Variants in PYROXD2 observed in about 807,000 individuals in gnomAD.
The protein encoded by PYROXD2 is pyridine nucleotide-disulfide oxidoreductase domain-containing protein 2.
In PYROXD2, 69 loss-of-function variants were observed where a neutral mutation model predicts 71.1. The observed-to-expected ratio is 0.97, with a 90% CI of 0.80 to 1.19. PYROXD2 has a LOEUF of 1.19. Among genes scored for constraint, PYROXD2 ranks in the 50% most tolerant of loss-of-function variants. The pLI, the probability that PYROXD2 is intolerant of heterozygous loss-of-function variation, is 0.00. For synonymous variants in PYROXD2, 287 were observed against 302.7 expected (o/e 0.95, Z 0.54); for missense variants, 745 against 748.9 (o/e 0.99, Z 0.06).
intron 10 of PYROXD2, among the ~76,000 whole-genome samples, chr10:98,392,065 T>A (rs1289708882): frequency 2.6e-5 from 4 of 152,174 alleles, no homozygotes; most frequent in African/African-American, 9.7e-5. Flanking sequence ...GTTAATTGAT[T>A]AATTAATAAT....
intron 5 of PYROXD2, among the ~76,000 whole-genome samples, chr10:98,397,707 G>A (rs1367013218): frequency 6.6e-6 from 1 of 152,096 alleles, no homozygotes; most frequent in African/African-American, 2.4e-5. Flanking sequence ...GGTGGTGGTG[G>A]TCAGGAGACC....
intron 2 of PYROXD2, among the ~76,000 whole-genome samples, chr10:98,409,394 G>C (rs1253008824): frequency 6.6e-6 from 1 of 152,116 alleles, no homozygotes; most frequent in Non-Finnish European, 1.5e-5. Context: ...TATTTTCGTA[G>C]GCCTTCCCTC....
chr10:98,388,575 G>A, intron 12 of PYROXD2, 67 bp from the exon 13 acceptor site: 1 of 1,429,136 alleles, frequency 7.0e-7, no homozygotes, highest in Non-Finnish European at 9.2e-7. Context: ...CATCCGAGAT[G>A]ACTTGGGACA....
At chr10:98,412,428 C>T (rs562454866) in intron 1 of PYROXD2, among the ~76,000 whole-genome samples, 8 of 152,260 alleles carry the variant, frequency 5.3e-5, no homozygotes, top group Middle Eastern at 6.8e-3. Context: ...CTGCTCTGGG[C>T]GTGGGCTCTG....
chr10:98,388,198 G>T, intron 13 of PYROXD2, 156 bp downstream of exon 13: 1 of 706,306 alleles, frequency 1.4e-6, no homozygotes, highest in Admixed American at 2.4e-5. Flanking sequence ...GACCCCTGCA[G>T]TCAACTATGT....
At chr10:98,397,877 CTTTTTTTTTTTTTTTT>C (rs60678578) in intron 5 of PYROXD2, among the ~76,000 whole-genome samples, 1 of 84,172 alleles carries the variant, frequency 1.2e-5, no homozygotes, top group East Asian at 3.6e-4. Context: ...GTCCTTTCTT[CTTTTTTTTTTTTTTTT>C]TTTTTTTGAG....
intron 8 of PYROXD2, among the ~76,000 whole-genome samples, chr10:98,394,584 T>G (rs1843087297): frequency 7.5e-6 from 1 of 134,180 alleles, no homozygotes; most frequent in Non-Finnish European, 1.5e-5. Flanking sequence ...ACACACAGCC[T>G]TCCATTCCTG....
In PYROXD2 at chr10:98,392,925, G is replaced by A. The variant is rs192159317; in HGVS notation, c.927+17C>T. ...GATCCTTACTAATAATTGGGGTGGG[G>A]TAGAGGGGCCGTTCACCTTTTCAGT... On this transcript the variant is annotated intron_variant, in intron 9 of 15. Coordinates refer to ENST00000370575, the MANE Select transcript of PYROXD2 (RefSeq NM_032709.3). The A allele has an allele frequency of 9.9e-5, 160 of 1,611,708 alleles. No homozygotes were observed. In the African/African-American group the frequency reaches 1.7e-3, roughly 17 times the overall value.
rs751517406 is a variant in PYROXD2 at position 98,401,253 on chromosome 10, C to CAA, written c.316-998_316-997dup. 1.0e-3 allele frequency among the ~76,000 whole-genome samples: 47 copies of CAA among 45,558 alleles called. 1 individual carries two copies. Among genetic ancestry groups the CAA allele is most frequent in the East Asian group, 0.01 (17 of 1,656 alleles). 29.9% of individuals were successfully genotyped at this position (45,558 alleles called of 152,430 possible). A position where few individuals can be genotyped will look rare whatever the true frequency, so the allele number is the denominator to read the frequency against. ...TGGGTGACAAAGCAAGACTCTGTCT[C>CAA]AAAAAAAAAAAAACAAAAAAAAACA... On this transcript the variant is annotated intron_variant, in intron 4 of 15. Coordinates refer to ENST00000370575, the MANE Select transcript of PYROXD2 (RefSeq NM_032709.3).
intron 2 of PYROXD2, 106 bp from the exon 3 acceptor site, chr10:98,408,103 G>C (rs942810): frequency 0.39 from 394,330 of 1,024,178 alleles, 84,147 homozygotes; most frequent in African/African-American, 0.77. Context: ...GCCAGTATGG[G>C]CCACACCCCA....
At chr10:98,400,380 C>G in intron 4 of PYROXD2, 123 bp from the exon 5 acceptor site, 1 of 889,272 alleles carries the variant, frequency 1.1e-6, no homozygotes, top group Non-Finnish European at 1.6e-6. Context: ...AGTGTATGGT[C>G]CTGGTGTCTG....
At chr10:98,388,067 T>G in intron 13 of PYROXD2, 1 of 371,732 alleles carries the variant, frequency 2.7e-6, no homozygotes, top group Non-Finnish European at 5.0e-6. Flanking sequence ...TCTCCTTTGG[T>G]TCGTGCAGTC....
chr10:98,397,456 C>T lies in PYROXD2; in HGVS notation c.514G>A (p.Ala172Thr). 6.2e-7 allele frequency: 1 copy of T among 1,612,758 alleles called. No homozygotes were observed. The change falls in exon 6 of 16, where the codon GCC (alanine) becomes ACC (threonine). Residue 172 changes from alanine (A) to threonine (T), a missense_variant. Ala to Thr is a moderately conservative substitution (Grantham distance 58). Transcript: ENST00000370575. ...YEEFMHRLALAIDPLLDAAPV... is the reference protein window; with the variant it reads ...YEEFMHRLALTIDPLLDAAPV... Reference sequence around the variant, plus strand: ...GCCGCATCCAGCAGAGGGTCAATGGCTAATGCCAAGCGATGCATGAACTCC... The same window carrying T: ...GCCGCATCCAGCAGAGGGTCAATGGTTAATGCCAAGCGATGCATGAACTCC...
chr10:98,414,074 CATATATGTGTGTATATATACAT>C (rs962908100), intron 1 of PYROXD2: 182 of 152,068 alleles, frequency 1.2e-3, no homozygotes, highest in African/African-American at 4.1e-3. Flanking sequence ...TATATATACA[CATATATGTGTGTATATATACAT>C]ATATATACAT....
chr10:98,413,410 T>A, intron 1 of PYROXD2, among the ~76,000 whole-genome samples: 1 of 152,208 alleles, frequency 6.6e-6, no homozygotes, highest in Middle Eastern at 3.2e-3. Flanking sequence ...TTGAGTAACA[T>A]CATTCCTGTC....
At position 98,392,935 on chromosome 10, in the gene PYROXD2, C is replaced by T. The variant is rs112160924; in HGVS notation, c.927+7G>A. Reference sequence around the variant, plus strand: ...AATAATTGGGGTGGGGTAGAGGGGCCGTTCACCTTTTCAGTGAAGATGCTT... The same window carrying T: ...AATAATTGGGGTGGGGTAGAGGGGCTGTTCACCTTTTCAGTGAAGATGCTT... On this transcript the variant is annotated splice_region_variant and intron_variant, in intron 9 of 15. Coordinates refer to ENST00000370575, the MANE Select transcript of PYROXD2 (RefSeq NM_032709.3). 8.1e-6 allele frequency: 13 copies of T among 1,612,886 alleles called. No homozygotes were observed. In the East Asian group the frequency reaches 1.8e-4, roughly 22 times the overall value.
chr10:98,395,507 C>G, intron 6 of PYROXD2, 55 bp from the exon 7 acceptor site: 2 of 1,492,814 alleles, frequency 1.3e-6, no homozygotes, highest in Non-Finnish European at 1.9e-6. Flanking sequence ...GGAAACCCTC[C>G]GACCTGGCCT....
intron 4 of PYROXD2, among the ~76,000 whole-genome samples, chr10:98,405,346 C>T (rs1177030503): frequency 6.6e-6 from 1 of 152,160 alleles, no homozygotes; most frequent in African/African-American, 2.4e-5. Flanking sequence ...GGCAGTGGTG[C>T]CAAAGCCAAG....
intron 14 of PYROXD2, among the ~76,000 whole-genome samples, chr10:98,386,290 A>AGAGG (rs372653918): frequency 0.056 from 6,765 of 121,226 alleles, 544 homozygotes; most frequent in African/African-American, 0.18. Flanking sequence ...TAGAAGGAAG[A>AGAGG]GAGGGAGGGA....
Sources: allele counts gnomAD v4.1 joint callset (sites outside exome capture counted in the v4.1 genomes callset), GRCh38; gene constraint gnomAD v4.1.1; transcripts MANE v1.5; gene names NCBI Gene and HGNC (gene_info 2026-07-23, HGNC 2026-07-21).